The following KIF23 variants were observed in gnomAD, a reference collection of about 807,000 sequenced individuals.
KIF23 encodes kinesin-like protein KIF23.
KIF23 carries 30 observed loss-of-function variants against 137.5 expected under a neutral mutation model. The observed-to-expected ratio is 0.22, with a 90% CI of 0.16 to 0.30. The LOEUF is 0.30. Among genes scored for constraint, KIF23 ranks in the 10% least tolerant of loss-of-function variants. KIF23 has a pLI of 1.00. For missense variants in KIF23, 920 were observed against 1,194.3 expected (o/e 0.77, Z 3.38); for synonymous variants, 367 against 391.1 (o/e 0.94, Z 0.73).
chr15:69,425,136 T>C (rs2057157637), intron 7 of KIF23, 146 bp from the exon 8 acceptor site: 1 of 619,410 alleles, frequency 1.6e-6, no homozygotes, highest in Non-Finnish European at 2.7e-6. Context: ...AGTTAACTTT[T>C]AGTACTTTTA....
At chr15:69,433,037 G>A (rs1037601285) in intron 11 of KIF23, among the ~76,000 whole-genome samples, 1 of 152,128 alleles carries the variant, frequency 6.6e-6, no homozygotes, top group Non-Finnish European at 1.5e-5. Flanking sequence ...ATAGACCTCA[G>A]GTTAAGAACC....
At chr15:69,426,871 C>CTGACCA (rs1223459646) in intron 10 of KIF23, among the ~76,000 whole-genome samples, 1 of 152,198 alleles carries the variant, frequency 6.6e-6, no homozygotes, top group Non-Finnish European at 1.5e-5. Context: ...TGCATTTGTG[C>CTGACCA]TGACCATGTA....
rs765844057 is a variant in KIF23, at chr15:69,414,445, GGC to G, written c.-19_-18del. On this transcript the variant is annotated 5_prime_UTR_variant, in exon 1 of 24. Coordinates refer to ENST00000679126, the MANE Select transcript of KIF23 (RefSeq NM_001367805.3). ...GCCAGCCGTCCCGCATGCGCGTTTG[GGC>G]GGCGTGGAGCCTGCTGCCATGAAGT... is the stretch of plus-strand genomic sequence containing the variant. 1 of 1,585,412 alleles carries G rather than the reference GGC, an allele frequency of 6.3e-7. No homozygotes were observed. The highest frequency in any genetic ancestry group is 8.6e-7 in the Non-Finnish European group (1 of 1,166,232).
intron 20 of KIF23, among the ~76,000 whole-genome samples, chr15:69,445,490 TAGA>T (rs1316411079): frequency 6.7e-6 from 1 of 148,852 alleles, no homozygotes; most frequent in African/African-American, 2.5e-5. Flanking sequence ...TGCCTGACTA[TAGA>T]AGAATTCCCC....
intron 11 of KIF23, among the ~76,000 whole-genome samples, chr15:69,430,441 C>CGAGCCCATCCTAATAGAG (rs1567067462): frequency 1.3e-5 from 2 of 152,080 alleles, no homozygotes; most frequent in Non-Finnish European, 2.9e-5. Flanking sequence ...TCTGCTGGAG[C>CGAGCCCATCCTAATAGAG]GAGCCCATCC....
chr15:69,446,079 A>G lies in KIF23; in HGVS notation c.2744A>G (p.Glu915Gly). The change falls in exon 21 of 24, where the codon GAA becomes GGA. Residue 915 changes from glutamate (E) to glycine (G), a missense_variant. Physicochemically the swap from Glu to Gly is moderately conservative, Grantham distance 98. This residue lies in a region of KIF23 where 75 missense variants were observed against 177.9 expected (regional missense o/e 0.42). Coordinates refer to ENST00000679126, the MANE Select transcript of KIF23 (RefSeq NM_001367805.3). The part of the protein sequence containing the change: ...QFTDIETLKQ[E>G]SPNGSRKRRS... Reference sequence around the variant, plus strand: ...ACTGATATTGAGACTTTAAAGCAAGAATCACCAAATGGGTAAGTAACCATC... The same window carrying G: ...ACTGATATTGAGACTTTAAAGCAAGGATCACCAAATGGGTAAGTAACCATC... 2 of 1,613,056 alleles carry G rather than the reference A, an allele frequency of 1.2e-6. No homozygotes were observed. Among genetic ancestry groups the G allele is most frequent in the Non-Finnish European group, 1.7e-6 (2 of 1,179,052 alleles).
At chr15:69,436,794 C>A in intron 15 of KIF23, 72 bp downstream of exon 15, 1 of 1,015,812 alleles carries the variant, frequency 9.8e-7, no homozygotes, top group Non-Finnish European at 1.3e-6. Context: ...TCACTCTGTA[C>A]CCCAGGGTGG....
In KIF23 at chr15:69,441,586, A is replaced by G. The variant is rs1056161288; in HGVS notation, c.2421+507A>G. Among the ~76,000 whole-genome samples, 11 of 152,282 alleles carry G rather than the reference A, an allele frequency of 7.2e-5. 1 individual carries two copies. In the South Asian group the frequency reaches 1.7e-3, roughly 23 times the overall value. Reference sequence around the variant, plus strand: ...AAGTTTACCAATTGTTACTTGATATAGATATGTAAACCTTTTTCCCCTAAG... The same window carrying G: ...AAGTTTACCAATTGTTACTTGATATGGATATGTAAACCTTTTTCCCCTAAG... On this transcript the variant is annotated intron_variant, in intron 19 of 23. Coordinates refer to ENST00000679126, the MANE Select transcript of KIF23 (RefSeq NM_001367805.3).
At chr15:69,442,017 C>T (rs898237970) in intron 19 of KIF23, among the ~76,000 whole-genome samples, 2 of 152,144 alleles carry the variant, frequency 1.3e-5, no homozygotes, top group African/African-American at 2.4e-5. Flanking sequence ...CTGCCTTGGC[C>T]TCCAAAGGTG....
rs1301786054 is a variant in KIF23, at chr15:69,440,490, A to G, written c.2109+3A>G. 6.2e-7 allele frequency: 1 copy of G among 1,601,846 alleles called. No homozygotes were observed. The highest frequency in any genetic ancestry group is 8.5e-7 in the Non-Finnish European group (1 of 1,175,092). On this transcript the variant is annotated splice_donor_region_variant and intron_variant, in intron 18 of 23. Transcript: ENST00000679126. ...CTGTTTCTCCATCACCTGTGCCTGT[A>G]AGTTATTTGTAATTGTGTAGTAACT...
chr15:69,438,884 A>G (rs2057545632), intron 16 of KIF23, among the ~76,000 whole-genome samples: 2 of 152,088 alleles, frequency 1.3e-5, no homozygotes, highest in Non-Finnish European at 1.5e-5. Flanking sequence ...CAGGGAGATC[A>G]CTTGAGCCCA....
Position 69,425,302 on chromosome 15 carries a change from C to A in KIF23, c.755C>A (p.Pro252His), listed in dbSNP as rs757833715. 1.4e-4 allele frequency: 222 copies of A among 1,535,718 alleles called. No homozygotes were observed. The highest frequency in any genetic ancestry group is 1.9e-4 in the Non-Finnish European group (215 of 1,146,796). The part of the protein sequence containing the change: ...IKPKWNSCST[P>H]MRNTDFVPPQ... ...GGTAGGTGGAACAGTTGCAGCACAC[C>A]CATGAGGAACACAGATTTTGTGTAT... The change falls in exon 8 of 24, where the codon CCC becomes CAC. Residue 252 changes from proline to histidine, a missense_variant. Coordinates refer to ENST00000679126, the MANE Select transcript of KIF23 (RefSeq NM_001367805.3).
Position 69,436,737 on chromosome 15 carries a change from A to AT in KIF23, c.1597+18dup. On this transcript the variant is annotated intron_variant, in intron 15 of 23. Coordinates refer to ENST00000679126, the MANE Select transcript of KIF23 (RefSeq NM_001367805.3). ...TAACAAACAATGTAAGGGCAAAACT[A>AT]TTTGAAATAATTTTATTTAATTATT... The AT allele has an allele frequency of 7.0e-7, 1 of 1,425,516 alleles. No individual in the cohort carries two copies. The highest frequency in any genetic ancestry group is 2.4e-5 in the Admixed American group (1 of 42,038). The allele number at this position is 1,425,516 out of a possible 1,614,324, so 88.3% of individuals were successfully genotyped here.
chr15:69,415,844 A>G (rs754580439), intron 1 of KIF23, 150 bp from the exon 2 acceptor site: 101 of 572,660 alleles, frequency 1.8e-4, no homozygotes, highest in Non-Finnish European at 3.6e-5. Flanking sequence ...TGCTACTATG[A>G]TTATTAATGT....
intron 16 of KIF23, among the ~76,000 whole-genome samples, chr15:69,438,641 A>C (rs2057539232): frequency 6.6e-6 from 1 of 152,156 alleles, no homozygotes; most frequent in African/African-American, 2.4e-5. Context: ...TCTACTAAAA[A>C]AGTACAAAAG....
intron 22 of KIF23, 169 bp from the exon 23 acceptor site, chr15:69,446,702 T>C (rs1291163103): frequency 4.3e-6 from 3 of 691,338 alleles, no homozygotes; most frequent in Non-Finnish European, 7.7e-6. Flanking sequence ...ACAACATTTG[T>C]GGCCTGTGCC....
chr15:69,445,169 C>T, intron 20 of KIF23, 128 bp downstream of exon 20: 1 of 936,200 alleles, frequency 1.1e-6, no homozygotes, highest in South Asian at 1.8e-5. Flanking sequence ...TTTGATATAA[C>T]CTTTTTGTTA....
chr15:69,436,027 G>GT (rs1259078436), intron 13 of KIF23, 111 bp from the exon 14 acceptor site: 2 of 1,418,242 alleles, frequency 1.4e-6, no homozygotes, highest in Non-Finnish European at 1.9e-6. Flanking sequence ...CTCCAGCCTG[G>GT]TGACAGACTG....
chr15:69,433,721 TTTA>T (rs939088359), intron 11 of KIF23, among the ~76,000 whole-genome samples: 2 of 152,004 alleles, frequency 1.3e-5, no homozygotes, highest in African/African-American at 4.8e-5. Context: ...ATTTTATTTA[TTTA>T]TTTTTTATTT....
Sources: allele counts gnomAD v4.1 joint callset (sites outside exome capture counted in the v4.1 genomes callset), GRCh38; gene constraint gnomAD v4.1.1; regional missense constraint gnomAD v4.1.1; transcripts MANE v1.5; gene names NCBI Gene and HGNC (gene_info 2026-07-23, HGNC 2026-07-21).